Variants in TUFT1 observed in about 807,000 individuals in gnomAD.
TUFT1 encodes the protein tuftelin 1, also known as tuftelin.
A neutral mutation model predicts 57.8 loss-of-function variants in TUFT1; 43 were observed. That is an observed-to-expected ratio of 0.74 (90% CI 0.58 to 0.96). TUFT1 has a LOEUF of 0.96. TUFT1 is among the 40% of genes least tolerant of loss of function. The pLI, the probability that TUFT1 is intolerant of heterozygous loss-of-function variation, is 0.00. For synonymous variants in TUFT1, 166 were observed against 176.7 expected, an observed-to-expected ratio of 0.94 and a Z score of 0.48; for missense variants, 459 against 489.0, an observed-to-expected ratio of 0.94 and a Z score of 0.58.
intron 1 of TUFT1, chr1:151,557,360 A>C (rs533657992): frequency 3.2e-6 from 2 of 625,786 alleles, no homozygotes; most frequent in African/African-American, 1.9e-5. Context: ...AGACATTGTT[A>C]TACTTTTTGC....
In TUFT1 at chr1:151,562,986, G is replaced by A. The variant is rs1665945571; in HGVS notation, c.237+300G>A. ...CTAGAGGTTGTGGAGACAGGTAGGA[G>A]GTGTGTTTATGGAACTTATGTTTTC... On this transcript the variant is annotated intron_variant, in intron 3 of 12. Transcript: ENST00000368849. Among the ~76,000 whole-genome samples the A allele has an allele frequency of 3.3e-5, 5 of 152,264 alleles. No individual in the cohort carries two copies. In the South Asian group the frequency reaches 1.0e-3, roughly 32 times the overall value.
intron 1 of TUFT1, among the ~76,000 whole-genome samples, chr1:151,553,015 A>T (rs189580196): frequency 5.5e-4 from 83 of 152,250 alleles, no homozygotes; most frequent in African/African-American, 1.9e-3. Context: ...TGACCTCTCT[A>T]AGCATTCCTT....
chr1:151,563,236 CTT>C (rs146270937), intron 3 of TUFT1, among the ~76,000 whole-genome samples: 37 of 151,234 alleles, frequency 2.4e-4, no homozygotes, highest in Middle Eastern at 3.4e-3. Flanking sequence ...TTCTCTCTCT[CTT>C]TTTTTTTATA....
chr1:151,540,469 C>T (rs1380964100), intron 1 of TUFT1, 43 bp downstream of exon 1: 1 of 1,611,284 alleles, frequency 6.2e-7, no homozygotes, highest in African/African-American at 1.3e-5. Context: ...TTTGTATTCC[C>T]GGTTTCTAAG....
intron 3 of TUFT1, 86 bp downstream of exon 3, chr1:151,562,772 A>G: frequency 8.3e-7 from 1 of 1,206,816 alleles, no homozygotes; most frequent in Non-Finnish European, 1.2e-6. Context: ...TTGTTGCCAA[A>G]GGGAGCTTGT....
chr1:151,556,603 G>A (rs2102529659), intron 1 of TUFT1, among the ~76,000 whole-genome samples: 2 of 152,120 alleles, frequency 1.3e-5, no homozygotes, highest in South Asian at 4.2e-4. Flanking sequence ...TTGAAGAGAG[G>A]GGCAACTTTG....
At chr1:151,572,675 A>T (rs1666295706) in intron 7 of TUFT1, among the ~76,000 whole-genome samples, 1 of 152,170 alleles carries the variant, frequency 6.6e-6, no homozygotes, top group Non-Finnish European at 1.5e-5. Flanking sequence ...AAGATGATCA[A>T]TTACCATGAA....
chr1:151,575,460 C>T (rs1292651184), intron 9 of TUFT1, among the ~76,000 whole-genome samples: 1 of 152,108 alleles, frequency 6.6e-6, no homozygotes, highest in Non-Finnish European at 1.5e-5. Context: ...ACTGAACTTC[C>T]TGTTACTTGA....
chr1:151,564,109 A>G (rs1306717501), intron 4 of TUFT1, 119 bp downstream of exon 4: 3 of 749,818 alleles, frequency 4.0e-6, no homozygotes, highest in East Asian at 5.2e-5. Flanking sequence ...TATGTCTCTG[A>G]AATGCCACCA....
chr1:151,581,590 G>A, intron 12 of TUFT1, 54 bp from the exon 13 acceptor site: 1 of 1,575,672 alleles, frequency 6.3e-7, no homozygotes, highest in Non-Finnish European at 8.7e-7. Flanking sequence ...GTGAAGGGTG[G>A]GCCACAACAC....
In TUFT1 at chr1:151,574,397, C is replaced by A. The variant is rs145037410; in HGVS notation, c.722C>A (p.Thr241Lys). The A allele has an allele frequency of 5.0e-6, 8 of 1,613,908 alleles. No homozygotes were observed. The highest frequency in any genetic ancestry group is 6.8e-6 in the Non-Finnish European group (8 of 1,179,928). Residue 241 changes from threonine (T) to lysine (K), a missense_variant and splice_region_variant, in exon 8 of 13, where the codon ACG (threonine) becomes AAG (lysine). Transcript: ENST00000368849. ...CAGAGGCGCTTGCTAGGGATGGAGA[C>A]GGTAACCGGGGGATCTTGCTTGTCA... ...ELQRRLLGME[T>K]EHQALLAKVR...
At chr1:151,575,987 G>A (rs1242503778) in intron 9 of TUFT1, among the ~76,000 whole-genome samples, 1 of 152,114 alleles carries the variant, frequency 6.6e-6, no homozygotes, top group Non-Finnish European at 1.5e-5. Context: ...CTTCCTCGGT[G>A]GGTAGGTGCG....
At chr1:151,541,319 C>G (rs1431619688) in intron 1 of TUFT1, among the ~76,000 whole-genome samples, 3 of 152,192 alleles carry the variant, frequency 2.0e-5, no homozygotes, top group Non-Finnish European at 4.4e-5. Context: ...GGCTCCCAGT[C>G]CCAGTTCTCC....
In TUFT1 at chr1:151,583,302, T is replaced by G. The variant is rs1221337085; in HGVS notation, c.*1595T>G. ...AGATAGGCATCAGAGTATGGTACTA[T>G]AGGAATCAGAAAAATTCAAAACAAA... On this transcript the variant is annotated 3_prime_UTR_variant, in exon 13 of 13. Transcript: ENST00000368849. The G allele has an allele frequency of 6.6e-6, 1 of 152,176 alleles. No homozygotes were observed. The highest frequency in any genetic ancestry group is 1.5e-5 in the Non-Finnish European group (1 of 68,034). The allele number at this position is 152,176 out of a possible 1,614,324, so 9.4% of individuals were successfully genotyped here.
intron 6 of TUFT1, 117 bp downstream of exon 6, chr1:151,566,345 G>A (rs1666079529): frequency 2.6e-6 from 2 of 780,954 alleles, no homozygotes; most frequent in Non-Finnish European, 4.1e-6. Flanking sequence ...TACAAGAGTA[G>A]TAGTTGACAT....
At position 151,574,323 on chromosome 1, in the gene TUFT1, G is replaced by A. The variant is rs747022714; in HGVS notation, c.648G>A (p.Gln216=). The part of the protein sequence containing the change: ...REAEQSNVAL[Q]REEDRVEQKE... The stretch of plus-strand genomic sequence containing the variant: ...CAGAACAAAGTAATGTGGCCCTTCA[G>A]AGAGAGGAGGACAGAGTGGAGCAGA... Residue 216 remains glutamine (Q), a synonymous_variant, in exon 8 of 13, where the codon CAG becomes CAA. Coordinates refer to ENST00000368849, the MANE Select transcript of TUFT1 (RefSeq NM_020127.3). 3 of 1,614,146 alleles carry A rather than the reference G, an allele frequency of 1.9e-6. No individual in the cohort carries two copies. The South Asian group carries it at 3.3e-5, about 18-fold the overall frequency.
At chr1:151,576,523 A>G (rs1279483844) in intron 9 of TUFT1, among the ~76,000 whole-genome samples, 2 of 152,098 alleles carry the variant, frequency 1.3e-5, no homozygotes, top group African/African-American at 4.8e-5. Context: ...GGGTACCTAC[A>G]CTTCTGTCCA....
intron 2 of TUFT1, 123 bp from the exon 3 acceptor site, chr1:151,562,462 A>T: frequency 2.3e-6 from 2 of 874,438 alleles, no homozygotes; most frequent in Non-Finnish European, 1.8e-6. Context: ...AGTCAGACTA[A>T]TCCTTCAAGT....
intron 3 of TUFT1, 50 bp from the exon 4 acceptor site, chr1:151,563,854 A>G: frequency 2.0e-6 from 3 of 1,509,722 alleles, no homozygotes; most frequent in Non-Finnish European, 2.8e-6. Context: ...CTATTTTTGT[A>G]TAGTTAATTT....
Sources: allele counts gnomAD v4.1 joint callset (sites outside exome capture counted in the v4.1 genomes callset), GRCh38; gene constraint gnomAD v4.1.1; transcripts MANE v1.5; gene names NCBI Gene and HGNC (gene_info 2026-07-23, HGNC 2026-07-21).